The following CHM variants were observed in gnomAD, a reference collection of about 807,000 sequenced individuals.
The protein encoded by CHM is CHM Rab escort protein.
A neutral mutation model predicts 49.0 loss-of-function variants in CHM; 10 were observed. The observed-to-expected ratio is 0.20, with a 90% CI of 0.13 to 0.35. The LOEUF (loss-of-function observed/expected upper bound fraction) is 0.35, where lower values mean the gene tolerates loss of function less well. Ranked by LOEUF, CHM falls within the 10% of genes least tolerant of loss-of-function variation. The probability of loss-of-function intolerance (pLI) is 1.00; values close to 1 mark genes in which losing one functional copy is unlikely to be tolerated. For synonymous variants in CHM, 184 were observed against 167.5 expected (o/e 1.10, Z -0.76); for missense variants, 455 against 478.4 (o/e 0.95, Z 0.46).
At chrX:85,980,648 G>A (rs1014101860) in intron 3 of CHM, among the ~76,000 whole-genome samples, 3 of 111,641 alleles carry the variant, frequency 2.7e-5, no homozygotes, top group African/African-American at 6.5e-5. Flanking sequence ...ATTCTTTTGC[G>A]ATACAGCAGT....
At chrX:85,942,991 A>C (rs1480028094) in intron 8 of CHM, among the ~76,000 whole-genome samples, 1 of 96,026 alleles carries the variant, frequency 1.0e-5, no homozygotes, top group Non-Finnish European at 2.0e-5. Context: ...ATTCCCACCT[A>C]TGAGTGAGAA....
chrX:85,949,654 G>A (rs1013539511), intron 8 of CHM, among the ~76,000 whole-genome samples: 3 of 110,624 alleles, frequency 2.7e-5, no homozygotes, highest in African/African-American at 6.6e-5. Context: ...GTAATCAGAA[G>A]AGGAAGAGCT....
At chrX:86,011,274 T>C (rs1408735159) in intron 2 of CHM, among the ~76,000 whole-genome samples, 2 of 111,410 alleles carry the variant, frequency 1.8e-5, no homozygotes, top group African/African-American at 6.5e-5. Flanking sequence ...GAAAAATTGA[T>C]ACTACCGGGA....
intron 2 of CHM, among the ~76,000 whole-genome samples, chrX:86,023,418 C>T (rs1933685027): frequency 9.0e-6 from 1 of 111,131 alleles, no homozygotes; most frequent in African/African-American, 3.3e-5. Flanking sequence ...CCTACTAGTA[C>T]ATCTCATCCG....
chrX:86,046,070 A>G (rs1934642069), intron 1 of CHM, among the ~76,000 whole-genome samples: 1 of 112,383 alleles, frequency 8.9e-6, no homozygotes, highest in African/African-American at 3.2e-5. Flanking sequence ...ATTTTTTGTT[A>G]GACAACATAA....
chrX:85,933,576 A>C (rs1319655402), intron 8 of CHM, among the ~76,000 whole-genome samples: 1 of 112,232 alleles, frequency 8.9e-6, no homozygotes, highest in African/African-American at 3.2e-5. Context: ...GATCAAAGCT[A>C]ATTATTTGTT....
intron 8 of CHM, among the ~76,000 whole-genome samples, chrX:85,916,837 C>T (rs919900567): frequency 1.2e-4 from 13 of 112,471 alleles, no homozygotes; most frequent in Non-Finnish European, 2.4e-4. Context: ...TGCTTATACA[C>T]TGTTGGTGGG....
chrX:85,903,704 C>T lies in CHM; in HGVS notation c.1245-2516G>A, dbSNP rs368685688. 4 of 381,499 alleles carry T rather than the reference C, an allele frequency of 1.0e-5. No homozygotes were observed. In the East Asian group the frequency reaches 3.0e-4, roughly 29 times the overall value. 31.4% of individuals were successfully genotyped at this position (381,499 alleles called of 1,213,427 possible). ...AAGTACCCCTGGAGATTCTGATAAG[C>T]TCCCAAATCCCAGGAAAAAAATCAC... is the stretch of plus-strand genomic sequence containing the variant. On this transcript the variant is annotated intron_variant, in intron 9 of 14. Coordinates refer to ENST00000357749, the MANE Select transcript of CHM (RefSeq NM_000390.4).
rs1202017866 is a variant in CHM, at chrX:86,039,857, C to T, written c.49+7627G>A. 5.4e-5 allele frequency among the ~76,000 whole-genome samples: 6 copies of T among 111,375 alleles called. No homozygotes were observed. The East Asian group carries it at 8.6e-4, about 16-fold the overall frequency. Reference sequence around the variant, plus strand: ...CGACTTCAGAGGGACACCTTGACAGCGTAACTTCGAAGAAGAATCTGGCCA... The same window carrying T: ...CGACTTCAGAGGGACACCTTGACAGTGTAACTTCGAAGAAGAATCTGGCCA... On this transcript the variant is annotated intron_variant, in intron 1 of 14. Transcript: ENST00000357749.
intron 2 of CHM, among the ~76,000 whole-genome samples, chrX:86,021,294 G>A (rs1933595897): frequency 2.8e-5 from 3 of 105,384 alleles, no homozygotes; most frequent in South Asian, 8.5e-4. Context: ...ACATTACTGA[G>A]GGCTTACTAT....
At chrX:85,983,706 T>C (rs1002374653) in intron 2 of CHM, among the ~76,000 whole-genome samples, 3 of 111,819 alleles carry the variant, frequency 2.7e-5, no homozygotes, top group African/African-American at 9.8e-5. Flanking sequence ...AAAATTTATT[T>C]GAATGGATAT....
chrX:85,921,469 T>C (rs1358251709), intron 8 of CHM, among the ~76,000 whole-genome samples: 1 of 111,811 alleles, frequency 8.9e-6, no homozygotes, highest in Non-Finnish European at 1.9e-5. Context: ...GCAGGACTTA[T>C]CTAAAAAAGA....
intron 2 of CHM, among the ~76,000 whole-genome samples, chrX:85,993,980 A>C (rs1201927253): frequency 2.7e-5 from 3 of 112,112 alleles, no homozygotes; most frequent in Non-Finnish European, 5.6e-5. Context: ...TAATCAGATT[A>C]CATGAATGCT....
At chrX:85,932,561 CAT>C (rs1257763151) in intron 8 of CHM, among the ~76,000 whole-genome samples, 1 of 112,062 alleles carries the variant, frequency 8.9e-6, no homozygotes, top group African/African-American at 3.2e-5. Flanking sequence ...CATATAAAAA[CAT>C]ATGACAAAAC....
intron 12 of CHM, among the ~76,000 whole-genome samples, chrX:85,889,905 T>C (rs951058438): frequency 1.8e-5 from 2 of 111,750 alleles, no homozygotes; most frequent in African/African-American, 6.5e-5. Flanking sequence ...TGCAGCAACA[T>C]GGATGCAGCT....
chrX:86,020,868 ATATT>A lies in CHM; in HGVS notation c.116+6619_116+6622del, dbSNP rs1376528226. 6.9e-5 allele frequency among the ~76,000 whole-genome samples: 7 copies of A among 101,568 alleles called. No individual in the cohort carries two copies. The East Asian group carries it at 1.5e-3, about 22-fold the overall frequency. 88.2% of individuals were successfully genotyped at this position (101,568 alleles called of 115,157 possible). A position where few individuals can be genotyped will look rare whatever the true frequency, so the allele number is the denominator to read the frequency against. On this transcript the variant is annotated intron_variant, in intron 2 of 14. Transcript: ENST00000357749. ...TACATCATATATATCATATTTATAT[ATATT>A]TATCATATATATCTGATATATATGA... is the stretch of plus-strand genomic sequence containing the variant.
At chrX:86,030,929 T>C (rs1317504723) in intron 1 of CHM, among the ~76,000 whole-genome samples, 1 of 110,828 alleles carries the variant, frequency 9.0e-6, no homozygotes, top group Non-Finnish European at 1.9e-5. Flanking sequence ...AGTACTTCAT[T>C]ACTTTTTTTT....
At chrX:86,024,332 T>C (rs978219689) in intron 2 of CHM, among the ~76,000 whole-genome samples, 54 of 112,602 alleles carry the variant, frequency 4.8e-4, no homozygotes, top group African/African-American at 1.6e-3. Flanking sequence ...TGGCACTGTA[T>C]GACATACAGA....
intron 13 of CHM, among the ~76,000 whole-genome samples, chrX:85,878,074 A>T (rs1394788540): frequency 1.8e-5 from 2 of 112,107 alleles, no homozygotes; most frequent in East Asian, 5.6e-4. Flanking sequence ...CACAGCTGCA[A>T]GTGCTACCCT....
Sources: gnomAD v4.1 joint callset for allele counts (sites outside exome capture counted in the v4.1 genomes callset) on GRCh38, gnomAD v4.1.1 for gene constraint, MANE v1.5 for transcripts, NCBI Gene and HGNC (gene_info 2026-07-23, HGNC 2026-07-21) for gene names.